The following CADPS2 variants were observed in gnomAD, a reference collection of about 807,000 sequenced individuals.
CADPS2 encodes calcium-dependent secretion activator 2.
Under a neutral mutation model 172.5 loss-of-function variants are expected in CADPS2, and 93 were observed. The observed-to-expected ratio is 0.54, with a 90% CI of 0.46 to 0.64. The LOEUF (loss-of-function observed/expected upper bound fraction) is 0.64. Ranked by LOEUF, CADPS2 falls within the 30% of genes least tolerant of loss-of-function variation. The pLI, the probability that CADPS2 is intolerant of heterozygous loss-of-function variation, is 0.00. For synonymous variants in CADPS2, 546 were observed against 555.2 expected, an observed-to-expected ratio of 0.98 and a Z score of 0.23; for missense variants, 1,420 against 1,565.9, an observed-to-expected ratio of 0.91 and a Z score of 1.57.
At chr7:122,719,039 G>T (rs893357322) in intron 2 of CADPS2, among the ~76,000 whole-genome samples, 32 of 152,086 alleles carry the variant, frequency 2.1e-4, no homozygotes, top group African/African-American at 7.2e-4. Flanking sequence ...GTGAGTAAAG[G>T]AAAAGCCACA....
chr7:122,563,564 T>C (rs2429583), intron 7 of CADPS2, among the ~76,000 whole-genome samples: 277 of 152,262 alleles, frequency 1.8e-3, no homozygotes, highest in African/African-American at 6.4e-3. Flanking sequence ...CCCCCCTCAA[T>C]TCAACATATT....
chr7:122,542,763 C>A (rs115733214), intron 8 of CADPS2, among the ~76,000 whole-genome samples: 2,976 of 151,970 alleles, frequency 0.02, 86 homozygotes, highest in African/African-American at 0.069. Context: ...AGTCTAGAAT[C>A]TCTCTGATCA....
intron 2 of CADPS2, among the ~76,000 whole-genome samples, chr7:122,706,579 GTA>G (rs147241900): frequency 1.3e-4 from 19 of 144,076 alleles, no homozygotes; most frequent in African/African-American, 1.3e-4. Context: ...CAGCGAATAT[GTA>G]TATATATATA....
At chr7:122,720,613 C>T (rs2090268830) in intron 2 of CADPS2, among the ~76,000 whole-genome samples, 1 of 151,160 alleles carries the variant, frequency 6.6e-6, no homozygotes, top group Non-Finnish European at 1.5e-5. Context: ...TATACGTATA[C>T]ATACATATAT....
intron 6 of CADPS2, among the ~76,000 whole-genome samples, chr7:122,603,231 T>C (rs1193350531): frequency 6.6e-6 from 1 of 151,732 alleles, no homozygotes; most frequent in African/African-American, 2.4e-5. Context: ...ATAAAGTGCT[T>C]ACCAAATAAA....
At chr7:122,329,238 G>A (rs1323178011) in intron 28 of CADPS2, among the ~76,000 whole-genome samples, 1 of 152,158 alleles carries the variant, frequency 6.6e-6, no homozygotes, top group Non-Finnish European at 1.5e-5. Context: ...CCAAAGCAAT[G>A]AAAGAGGGTG....
chr7:122,562,806 TA>T (rs1484863081), intron 7 of CADPS2, among the ~76,000 whole-genome samples: 6 of 152,158 alleles, frequency 3.9e-5, no homozygotes, highest in African/African-American at 1.4e-4. Flanking sequence ...TTGTAAAAAA[TA>T]TTTTGAAATG....
intron 3 of CADPS2, among the ~76,000 whole-genome samples, chr7:122,633,974 G>C (rs573100694): frequency 1.9e-4 from 29 of 152,290 alleles, no homozygotes; most frequent in African/African-American, 7.0e-4. Flanking sequence ...TTCTGTTTAT[G>C]TGGTGAATTA....
intron 2 of CADPS2, among the ~76,000 whole-genome samples, chr7:122,680,399 A>AC (rs1317881181): frequency 1.3e-5 from 2 of 152,166 alleles, no homozygotes; most frequent in Non-Finnish European, 2.9e-5. Context: ...ATTAATCTAA[A>AC]CCCCTCATAT....
intron 2 of CADPS2, among the ~76,000 whole-genome samples, chr7:122,683,171 G>A (rs1167631398): frequency 6.6e-6 from 1 of 152,226 alleles, no homozygotes; most frequent in Admixed American, 6.5e-5. Flanking sequence ...GGATGGTGCA[G>A]GAAGAAGGTG....
At chr7:122,589,830 A>C (rs2070458263) in intron 6 of CADPS2, among the ~76,000 whole-genome samples, 1 of 151,878 alleles carries the variant, frequency 6.6e-6, no homozygotes, top group Non-Finnish European at 1.5e-5. Flanking sequence ...CCTTACAAGT[A>C]TGGGCTTATA....
chr7:122,566,166 C>T (rs2066441671), intron 7 of CADPS2, among the ~76,000 whole-genome samples: 1 of 152,094 alleles, frequency 6.6e-6, no homozygotes, highest in Non-Finnish European at 1.5e-5. Flanking sequence ...CTCAACATCG[C>T]TAATCATCAG....
chr7:122,345,893 TAC>T (rs1257082283), intron 27 of CADPS2, among the ~76,000 whole-genome samples: 1 of 148,406 alleles, frequency 6.7e-6, no homozygotes, highest in Admixed American at 6.8e-5. Context: ...AAATTGAAAA[TAC>T]AGAGTTGTAG....
intron 27 of CADPS2, among the ~76,000 whole-genome samples, chr7:122,350,740 C>T (rs2038424146): frequency 6.6e-6 from 1 of 152,008 alleles, no homozygotes; most frequent in South Asian, 2.1e-4. Context: ...ATTCCCAGGG[C>T]TTTGGGAGGC....
At chr7:122,379,223 C>T in intron 25 of CADPS2, 145 bp downstream of exon 25, 1 of 523,692 alleles carries the variant, frequency 1.9e-6, no homozygotes, top group East Asian at 3.2e-5. Flanking sequence ...TTTTTTTGCT[C>T]CCAACTTTTC....
At chr7:122,831,807 A>G (rs141382192) in intron 1 of CADPS2, among the ~76,000 whole-genome samples, 1 of 152,290 alleles carries the variant, frequency 6.6e-6, no homozygotes, top group East Asian at 1.9e-4. Flanking sequence ...CTCAAATATA[A>G]CAATGAAAGA....
intron 28 of CADPS2, among the ~76,000 whole-genome samples, chr7:122,344,218 A>C (rs904268659): frequency 2.0e-5 from 3 of 152,244 alleles, no homozygotes; most frequent in African/African-American, 4.8e-5. Flanking sequence ...CGTAACTTGC[A>C]TAATTAAGTG....
At chr7:122,555,407 T>C (rs1197013407) in intron 7 of CADPS2, among the ~76,000 whole-genome samples, 1 of 152,084 alleles carries the variant, frequency 6.6e-6, no homozygotes, top group African/African-American at 2.4e-5. Flanking sequence ...TCTCCCCCTT[T>C]TAAAATCAGT....
intron 12 of CADPS2, chr7:122,480,080 TC>T (rs1407602640): frequency 2.1e-6 from 1 of 470,280 alleles, no homozygotes; most frequent in African/African-American, 2.0e-5. Context: ...TGTCCATCAA[TC>T]TGGCAACTCT....
Sources: gnomAD v4.1 joint callset for allele counts (sites outside exome capture counted in the v4.1 genomes callset) on GRCh38, gnomAD v4.1.1 for gene constraint, MANE v1.5 for transcripts, NCBI Gene and HGNC (gene_info 2026-07-23, HGNC 2026-07-21) for gene names.